TTLL7: variants seen among roughly 807,000 people sequenced by gnomAD.
The protein encoded by TTLL7 is tubulin tyrosine ligase like 7.
In TTLL7, 53 loss-of-function variants were observed where a neutral mutation model predicts 120.2. The observed-to-expected ratio is 0.44, with a 90% CI of 0.35 to 0.55. TTLL7 has a LOEUF of 0.55. TTLL7 is among the 20% of genes least tolerant of loss of function. The pLI, the probability that TTLL7 is intolerant of heterozygous loss-of-function variation, is 0.00. For missense variants in TTLL7, 803 were observed against 1,054.7 expected (o/e 0.76, Z 3.31); for synonymous variants, 353 against 351.7 (o/e 1.00, Z -0.04).
rs1342372160 is a variant in TTLL7 at position 83,878,606 on chromosome 1, ATG to A, written c.2543+4355_2543+4356del. ...TGGGTTAGCAAGTACTTTCGAGTAA[ATG>A]TGATATTTTGTACAGCTTTTCTAGT... On this transcript the variant is annotated intron_variant, in intron 20 of 20. Coordinates refer to ENST00000260505, the MANE Select transcript of TTLL7 (RefSeq NM_024686.6). Among the ~76,000 whole-genome samples, 3 of 151,938 alleles carry A rather than the reference ATG, an allele frequency of 2.0e-5. No homozygotes were observed. The Admixed American group carries it at 2.0e-4, about 10-fold the overall frequency.
chr1:83,954,507 C>T (rs1311493572), intron 1 of TTLL7, among the ~76,000 whole-genome samples: 3 of 152,132 alleles, frequency 2.0e-5, no homozygotes, highest in Non-Finnish European at 2.9e-5. Context: ...ACCTACTTTC[C>T]AAAAGCAGAA....
chr1:83,940,483 C>T (rs1001221008), intron 7 of TTLL7, among the ~76,000 whole-genome samples: 6 of 152,090 alleles, frequency 3.9e-5, no homozygotes, highest in Admixed American at 6.6e-5. Flanking sequence ...TGAATACATC[C>T]GCTTTCCACA....
intron 7 of TTLL7, among the ~76,000 whole-genome samples, chr1:83,938,989 G>A (rs2100834848): frequency 1.3e-5 from 2 of 152,276 alleles, no homozygotes. Context: ...CAAGAAGGCA[G>A]AAATGATAAT....
intron 14 of TTLL7, among the ~76,000 whole-genome samples, chr1:83,915,440 T>C (rs1351772398): frequency 2.0e-5 from 3 of 152,210 alleles, no homozygotes; most frequent in African/African-American, 7.2e-5. Context: ...GCTAGCCATA[T>C]GTAGAAAGCT....
intron 19 of TTLL7, chr1:83,889,992 A>T: frequency 2.1e-6 from 1 of 477,312 alleles, no homozygotes; most frequent in Non-Finnish European, 4.1e-6. Flanking sequence ...CAGCTTTAGC[A>T]GCACTAGGAT....
At chr1:83,888,940 T>C (rs916253147) in intron 19 of TTLL7, among the ~76,000 whole-genome samples, 2 of 151,786 alleles carry the variant, frequency 1.3e-5, no homozygotes, top group African/African-American at 4.8e-5. Context: ...TCATTTCACT[T>C]AGCTGTCTTA....
intron 13 of TTLL7, among the ~76,000 whole-genome samples, chr1:83,918,482 A>G (rs1430418383): frequency 6.6e-6 from 1 of 152,202 alleles, no homozygotes; most frequent in Admixed American, 6.5e-5. Context: ...CTCACTGTGC[A>G]GTAGAAATGT....
At chr1:83,927,501 G>A (rs539979018) in intron 10 of TTLL7, among the ~76,000 whole-genome samples, 26 of 152,100 alleles carry the variant, frequency 1.7e-4, no homozygotes, top group Non-Finnish European at 2.6e-4. Context: ...AGTGAGAATG[G>A]GCAAGCTATG....
At chr1:83,977,488 C>A (rs1473927438) in intron 1 of TTLL7, among the ~76,000 whole-genome samples, 1 of 151,720 alleles carries the variant, frequency 6.6e-6, no homozygotes, top group African/African-American at 2.4e-5. Flanking sequence ...GGGCCTAAAT[C>A]AAATGACTTT....
intron 1 of TTLL7, among the ~76,000 whole-genome samples, chr1:83,958,397 C>CA (rs1571310383): frequency 6.6e-6 from 1 of 151,986 alleles, no homozygotes; most frequent in Non-Finnish European, 1.5e-5. Context: ...ACAAATGTAA[C>CA]AAAAAATATA....
At chr1:83,940,412 ATACTG>A (rs1647844458) in intron 7 of TTLL7, among the ~76,000 whole-genome samples, 1 of 152,208 alleles carries the variant, frequency 6.6e-6, no homozygotes, top group South Asian at 2.1e-4. Context: ...CTTCAAACTT[ATACTG>A]TACAACCAAA....
chr1:83,949,734 CAAAACAGGCT>C, intron 4 of TTLL7, 121 bp downstream of exon 4: 1 of 988,278 alleles, frequency 1.0e-6, no homozygotes, highest in Non-Finnish European at 1.5e-6. Context: ...TGGATAGCAA[CAAAACAGGCT>C]ATTCAGGTGA....
At chr1:83,963,436 A>G (rs549161638) in intron 1 of TTLL7, among the ~76,000 whole-genome samples, 63 of 152,188 alleles carry the variant, frequency 4.1e-4, no homozygotes, top group Middle Eastern at 6.8e-3. Context: ...AGAAAGAGAG[A>G]TAACAGATTC....
chr1:83,992,523 T>C (rs534758729), intron 1 of TTLL7, among the ~76,000 whole-genome samples: 1 of 152,260 alleles, frequency 6.6e-6, no homozygotes, highest in South Asian at 2.1e-4. Flanking sequence ...GCATCTACTG[T>C]CAAAATTAGT....
chr1:83,915,373 C>G (rs560581136), intron 14 of TTLL7, among the ~76,000 whole-genome samples: 5 of 152,096 alleles, frequency 3.3e-5, no homozygotes, highest in African/African-American at 4.8e-5. Flanking sequence ...ACAAACCTGA[C>G]AAAAACAAGA....
At chr1:83,892,980 G>C (rs890077212) in intron 18 of TTLL7, among the ~76,000 whole-genome samples, 2 of 141,854 alleles carry the variant, frequency 1.4e-5, no homozygotes. Flanking sequence ...AGAGAAAAAA[G>C]AGAGGGGAGG....
intron 18 of TTLL7, among the ~76,000 whole-genome samples, chr1:83,902,857 A>G (rs1656838871): frequency 6.6e-6 from 1 of 151,946 alleles, no homozygotes; most frequent in Non-Finnish European, 1.5e-5. Flanking sequence ...GTCAAAATAA[A>G]AATAAAATGA....
intron 6 of TTLL7, among the ~76,000 whole-genome samples, chr1:83,945,264 T>G (rs1648373237): frequency 6.6e-6 from 1 of 152,178 alleles, no homozygotes; most frequent in African/African-American, 2.4e-5. Context: ...AGAGACACCC[T>G]TTAAAGTCAA....
At chr1:83,920,625 G>A (rs1172990252) in intron 12 of TTLL7, 1 of 156,220 alleles carries the variant, frequency 6.4e-6, no homozygotes, top group Non-Finnish European at 1.4e-5. Flanking sequence ...GCTGGGTGGG[G>A]TGGGGGGGTT....
Sources: allele counts gnomAD v4.1 joint callset (sites outside exome capture counted in the v4.1 genomes callset), GRCh38; gene constraint gnomAD v4.1.1; transcripts MANE v1.5; gene names NCBI Gene and HGNC (gene_info 2026-07-23, HGNC 2026-07-21).